Variants in KLHL3 observed in about 807,000 individuals in gnomAD.
KLHL3 encodes kelch-like protein 3.
Under a neutral mutation model 70.5 loss-of-function variants are expected in KLHL3, and 19 were observed. The observed-to-expected ratio is 0.27, with a 90% CI of 0.19 to 0.40. KLHL3 has a LOEUF of 0.40. KLHL3 is among the 10% of genes least tolerant of loss of function. The pLI is 1.00. For synonymous variants in KLHL3, 258 were observed against 290.3 expected (o/e 0.89, Z 1.13); for missense variants, 512 against 771.1 (o/e 0.66, Z 3.98).
Position 137,639,523 on chromosome 5 carries a change from G to A in KLHL3, c.1021+337C>T, listed in dbSNP as rs1001716353. 7.2e-5 allele frequency among the ~76,000 whole-genome samples: 11 copies of A among 151,860 alleles called. No individual in the cohort carries two copies. The highest frequency in any genetic ancestry group is 2.2e-4 in the African/African-American group (9 of 41,356). ...CAGCTTGGCCAAAATGGTGAAACCC[G>A]TCTCTACTAAAAATGCAAAAATTAG... On this transcript the variant is annotated intron_variant, in intron 9 of 14. Transcript: ENST00000309755. The surrounding 1 kb of genome is among the most constrained non-coding windows in gnomAD (Gnocchi z 5.0).
intron 8 of KLHL3, among the ~76,000 whole-genome samples, chr5:137,649,056 T>C (rs929815273): frequency 6.6e-6 from 1 of 152,226 alleles, no homozygotes; most frequent in Admixed American, 6.5e-5. Context: ...TATAATGCTT[T>C]TGTGACATTT....
At chr5:137,657,982 A>T in intron 8 of KLHL3, 149 bp downstream of exon 8, 1 of 705,008 alleles carries the variant, frequency 1.4e-6, no homozygotes, top group East Asian at 2.7e-5. Flanking sequence ...AGCAGATTCA[A>T]GAGGAACCAG....
At chr5:137,637,758 T>C (rs1199668017) in intron 10 of KLHL3, among the ~76,000 whole-genome samples, 1 of 152,222 alleles carries the variant, frequency 6.6e-6, no homozygotes, top group Non-Finnish European at 1.5e-5. Flanking sequence ...CAGCTTCCTC[T>C]ATCTTAGCAG....
chr5:137,735,958 A>C lies in KLHL3; in HGVS notation c.-312T>G, dbSNP rs1580794401. 1 of 466,702 alleles carries C rather than the reference A, an allele frequency of 2.1e-6. No individual in the cohort carries two copies. Among genetic ancestry groups the C allele is most frequent in the Non-Finnish European group, 4.0e-6 (1 of 251,864 alleles). 28.9% of individuals were successfully genotyped at this position (466,702 alleles called of 1,614,324 possible). On this transcript the variant is annotated 5_prime_UTR_variant, in exon 1 of 15. Transcript: ENST00000309755. ...CTTGCTGCTCCTTGGTCTCCTAGGA[A>C]CGGCGGCAGCTCCAGCGACCCAGGT...
chr5:137,664,144 G>T (rs1561596740), intron 6 of KLHL3, among the ~76,000 whole-genome samples: 1 of 151,856 alleles, frequency 6.6e-6, no homozygotes, highest in African/African-American at 2.4e-5. Context: ...TTGAGCCCAG[G>T]AGTTCAAGAC....
intron 8 of KLHL3, among the ~76,000 whole-genome samples, chr5:137,642,868 A>T (rs991154049): frequency 4.3e-4 from 61 of 142,228 alleles, no homozygotes; most frequent in African/African-American, 1.2e-3. Context: ...TTTGTAAATT[A>T]AAAAAAAAAA....
chr5:137,653,885 A>AT (rs1561592229), intron 8 of KLHL3, among the ~76,000 whole-genome samples: 1 of 152,236 alleles, frequency 6.6e-6, no homozygotes, highest in Non-Finnish European at 1.5e-5. Flanking sequence ...ACTATGGTCC[A>AT]TCCATACAAT....
intron 8 of KLHL3, chr5:137,647,532 C>G (rs1346152756): frequency 2.1e-6 from 1 of 472,044 alleles, no homozygotes; most frequent in Non-Finnish European, 4.4e-6. Context: ...AATGCATGTC[C>G]AAACTCTCTT....
At position 137,711,569 on chromosome 5, in the gene KLHL3, G is replaced by A. The variant is rs370135789; in HGVS notation, c.135-1713C>T. Among the ~76,000 whole-genome samples, 7 of 152,298 alleles carry A rather than the reference G, an allele frequency of 4.6e-5. No homozygotes were observed. The East Asian group carries it at 5.8e-4, about 13-fold the overall frequency. On this transcript the variant is annotated intron_variant, in intron 2 of 14. Transcript: ENST00000309755. Reference sequence around the variant, plus strand: ...CCTTTGGACAGCAAGAGGCAAAACCGGGGGATTGAGACCTTACCCTGCAGT... The same window carrying A: ...CCTTTGGACAGCAAGAGGCAAAACCAGGGGATTGAGACCTTACCCTGCAGT...
chr5:137,699,199 A>G (rs934679195), intron 3 of KLHL3, among the ~76,000 whole-genome samples: 16 of 152,246 alleles, frequency 1.1e-4, no homozygotes, highest in African/African-American at 3.1e-4. Flanking sequence ...TTAGAGGATG[A>G]GGACGAGTTC....
At chr5:137,631,407 A>T (rs6860437) in intron 12 of KLHL3, among the ~76,000 whole-genome samples, 1 of 152,228 alleles carries the variant, frequency 6.6e-6, no homozygotes. Flanking sequence ...CATTTTCTTC[A>T]CATGTTGGGG....
intron 10 of KLHL3, among the ~76,000 whole-genome samples, chr5:137,638,474 G>A (rs1431471765): frequency 6.6e-6 from 1 of 152,186 alleles, no homozygotes; most frequent in Non-Finnish European, 1.5e-5. Context: ...CCAGAGGCAA[G>A]GAGGCTCACC....
chr5:137,633,276 C>A, intron 12 of KLHL3, among the ~76,000 whole-genome samples: 1 of 49,360 alleles, frequency 2.0e-5, no homozygotes. Flanking sequence ...GAGACTTCAT[C>A]TCAAAAAAAA....
intron 12 of KLHL3, chr5:137,628,732 GACATACAT>G (rs71583283): frequency 5.2e-4 from 72 of 137,154 alleles, no homozygotes; most frequent in African/African-American, 1.4e-3. Flanking sequence ...CAGACAGACA[GACATACAT>G]ACATACATAC....
intron 1 of KLHL3, among the ~76,000 whole-genome samples, chr5:137,728,546 G>A (rs1753121292): frequency 6.6e-6 from 1 of 152,146 alleles, no homozygotes; most frequent in Non-Finnish European, 1.5e-5. Context: ...AGGAGGATGG[G>A]AGTGAGAGAA....
chr5:137,641,784 A>G (rs966853726), intron 8 of KLHL3, among the ~76,000 whole-genome samples: 6 of 152,130 alleles, frequency 3.9e-5, no homozygotes, highest in African/African-American at 1.2e-4. Flanking sequence ...AAAGTGGGTA[A>G]CCAGTGTTCA....
intron 6 of KLHL3, 154 bp downstream of exon 6, chr5:137,677,391 T>G (rs1182128870): frequency 4.0e-6 from 2 of 496,596 alleles, no homozygotes; most frequent in East Asian, 6.7e-5. Context: ...GAGGTTGCAG[T>G]GAGCCGAGAT....
At chr5:137,628,044 G>A (rs554132612) in intron 13 of KLHL3, 46 of 497,424 alleles carry the variant, frequency 9.2e-5, no homozygotes, top group Middle Eastern at 1.1e-3. Context: ...ATCTGTGTGC[G>A]GTAAAAGTCA....
chr5:137,638,955 G>A lies in KLHL3; in HGVS notation c.1217C>T (p.Thr406Ile). ...LYAVGGFDGS[T>I]GLASVEAYSY... ...TTGGGAACACACCCTAAACCTACCAGTACTGCCATCAAAGCCTCCCACTGC... is the reference window on the plus strand; with the variant it reads ...TTGGGAACACACCCTAAACCTACCAATACTGCCATCAAAGCCTCCCACTGC... Residue 406 changes from threonine (T) to isoleucine (I), a missense_variant and splice_region_variant, in exon 10 of 15, where the codon ACT becomes ATT. Physicochemically the swap from Thr to Ile is moderately conservative, Grantham distance 89 (BLOSUM62 -1). Coordinates refer to ENST00000309755, the MANE Select transcript of KLHL3 (RefSeq NM_017415.3). 6.2e-7 allele frequency: 1 copy of A among 1,613,958 alleles called. No homozygotes were observed. The highest frequency in any genetic ancestry group is 1.1e-5 in the South Asian group (1 of 91,036).
Sources: gnomAD v4.1 joint callset for allele counts (sites outside exome capture counted in the v4.1 genomes callset) on GRCh38, gnomAD v4.1.1 for gene constraint, Gnocchi (gnomAD v3.1) non-coding constraint, MANE v1.5 for transcripts, NCBI Gene and HGNC (gene_info 2026-07-23, HGNC 2026-07-21) for gene names.